The following CREBBP variants were observed in gnomAD, a reference collection of about 807,000 sequenced individuals.
The protein encoded by CREBBP is CREB binding lysine acetyltransferase.
A neutral mutation model predicts 265.0 loss-of-function variants in CREBBP; 19 were observed. The observed-to-expected ratio is 0.07, with a 90% CI of 0.05 to 0.11. The LOEUF (loss-of-function observed/expected upper bound fraction) is 0.11. Among genes scored for constraint, CREBBP ranks in the 10% least tolerant of loss-of-function variants. The pLI, the probability that CREBBP is intolerant of heterozygous loss-of-function variation, is 1.00. For missense variants in CREBBP, 2,525 were observed against 3,219.0 expected, an observed-to-expected ratio of 0.78 and a Z score of 5.22; for synonymous variants, 1,457 against 1,223.7, an observed-to-expected ratio of 1.19 and a Z score of -3.98.
In CREBBP at chr16:3,758,984, A is replaced by G; in HGVS notation, c.3251-12T>C. The G allele has an allele frequency of 6.3e-7, 1 of 1,585,956 alleles. No individual in the cohort carries two copies. The highest frequency in any genetic ancestry group is 1.3e-5 in the African/African-American group (1 of 74,416). ...CTCTGGTTTAAAGACTGCAGAGAAA[A>G]CATCAAGAAAAGACACTTTGTAAAA... On this transcript the variant is annotated splice_polypyrimidine_tract_variant and intron_variant, in intron 16 of 30. Transcript: ENST00000262367.
intron 20 of CREBBP, among the ~76,000 whole-genome samples, chr16:3,751,289 A>G (rs2052467241): frequency 6.6e-6 from 1 of 152,118 alleles, no homozygotes; most frequent in African/African-American, 2.4e-5. Flanking sequence ...ATTAAATGTG[A>G]TCATAGTTAA....
At chr16:3,810,990 A>G (rs1335031393) in intron 2 of CREBBP, among the ~76,000 whole-genome samples, 1 of 151,856 alleles carries the variant, frequency 6.6e-6, no homozygotes, top group African/African-American at 2.4e-5. Context: ...CCGCAAGTAG[A>G]CGAGCTGTTT....
At position 3,781,271 on chromosome 16, in the gene CREBBP, T is replaced by C. The variant is rs2141247938; in HGVS notation, c.1609A>G (p.Thr537Ala). 1 of 1,614,040 alleles carries C rather than the reference T, an allele frequency of 6.2e-7. No individual in the cohort carries two copies. The highest frequency in any genetic ancestry group is 8.5e-7 in the Non-Finnish European group (1 of 1,179,932). ...AAGTTTGGGGGCTGCTGATCTGTTG[T>C]TATTCCTCCTGCTGGAATGTTCATT... The part of the protein sequence containing the change: ...NPMNIPAGGI[T>A]TDQQPPNLIS... Residue 537 changes from threonine (T) to alanine (A), a missense_variant, in exon 7 of 31, where the codon ACA becomes GCA. Transcript: ENST00000262367.
chr16:3,772,182 G>T (rs1195441576), intron 13 of CREBBP, among the ~76,000 whole-genome samples: 1 of 142,022 alleles, frequency 7.0e-6, no homozygotes, highest in African/African-American at 3.0e-5. Flanking sequence ...TTAGAAAAAG[G>T]TATTTTTTTT....
intron 21 of CREBBP, among the ~76,000 whole-genome samples, chr16:3,745,819 A>C (rs2052329098): frequency 6.6e-6 from 1 of 152,262 alleles, no homozygotes; most frequent in Admixed American, 6.5e-5. Context: ...AAACACGGCC[A>C]GTTCAGAGCA....
chr16:3,820,367 C>G (rs2054118451), intron 2 of CREBBP, among the ~76,000 whole-genome samples: 1 of 152,156 alleles, frequency 6.6e-6, no homozygotes, highest in Non-Finnish European at 1.5e-5. Context: ...ACTTGGCTGT[C>G]CAGGGTGCAC....
chr16:3,726,368 C>T lies in CREBBP; in HGVS notation c.*1350G>A, dbSNP rs1042083799. On this transcript the variant is annotated 3_prime_UTR_variant, in exon 31 of 31. Transcript: ENST00000262367. ...CAACTGACGACCCTAACTGTGTGAG[C>T]GACAATCACCTGTGAGCCTCGAATG... The T allele has an allele frequency of 4.3e-6, 1 of 233,210 alleles. No homozygotes were observed. The highest frequency in any genetic ancestry group is 1.8e-4 in the South Asian group (1 of 5,524). The allele number at this position is 233,210 out of a possible 1,614,324, so 14.4% of individuals were successfully genotyped here. A position where few individuals can be genotyped will look rare whatever the true frequency, so the allele number is the denominator to read the frequency against.
chr16:3,835,009 T>C (rs1012422182), intron 2 of CREBBP, among the ~76,000 whole-genome samples: 4 of 151,762 alleles, frequency 2.6e-5, no homozygotes, highest in African/African-American at 7.3e-5. Flanking sequence ...ATACAAAAAA[T>C]TGGCCGGGCA....
At chr16:3,771,076 ATT>A in intron 13 of CREBBP, 90 bp from the exon 14 acceptor site, 1 of 1,285,920 alleles carries the variant, frequency 7.8e-7, no homozygotes, top group Non-Finnish European at 1.1e-6. Flanking sequence ...TGAAAAAAAA[ATT>A]TTTTTTTTTG....
rs1165797849 is a variant in CREBBP at position 3,810,726 on chromosome 16, T to C, written c.852A>G (p.Gly284=). ...CTCCAGTGGCTCCCATTGGCTGCCC[T>C]CCAGCTTGACTAAAGGGCTGTCCAA... is the stretch of plus-strand genomic sequence containing the variant. The part of the protein sequence containing the change: ...SPFGQPFSQA[G]GQPMGATGVN... The change falls in exon 3 of 31, where the codon GGA becomes GGG. Residue 284 remains glycine (G), a synonymous_variant. Coordinates refer to ENST00000262367, the MANE Select transcript of CREBBP (RefSeq NM_004380.3). 6.2e-7 allele frequency: 1 copy of C among 1,613,908 alleles called. No homozygotes were observed. Among genetic ancestry groups the C allele is most frequent in the East Asian group, 2.2e-5 (1 of 44,870 alleles).
chr16:3,835,342 C>T (rs1299793259), intron 2 of CREBBP, among the ~76,000 whole-genome samples: 2 of 151,666 alleles, frequency 1.3e-5, no homozygotes, highest in Admixed American at 6.6e-5. Flanking sequence ...AGATTGTTTT[C>T]TTTTTAAACA....
At chr16:3,866,242 A>G (rs970684513) in intron 1 of CREBBP, among the ~76,000 whole-genome samples, 11 of 152,244 alleles carry the variant, frequency 7.2e-5, no homozygotes, top group African/African-American at 2.7e-4. Flanking sequence ...CACACAGGGA[A>G]ATCTGACATT....
chr16:3,843,630 G>A (rs941838118), intron 2 of CREBBP, among the ~76,000 whole-genome samples: 2 of 151,330 alleles, frequency 1.3e-5, no homozygotes, highest in Non-Finnish European at 2.9e-5. Context: ...TATGTTCACA[G>A]GCTGGTCTTG....
intron 21 of CREBBP, among the ~76,000 whole-genome samples, chr16:3,747,905 T>G (rs1358781829): frequency 6.6e-6 from 1 of 151,706 alleles, no homozygotes; most frequent in African/African-American, 2.4e-5. Context: ...CTGGCTAACA[T>G]GGTGAAACCC....
intron 23 of CREBBP, among the ~76,000 whole-genome samples, chr16:3,743,894 T>A (rs1169581642): frequency 6.6e-6 from 1 of 151,966 alleles, no homozygotes; most frequent in African/African-American, 2.4e-5. Context: ...CTGGCCAACA[T>A]GGTGAAACCC....
At position 3,781,256 on chromosome 16, in the gene CREBBP, G is replaced by A. The variant is rs764530516; in HGVS notation, c.1624C>T (p.Pro542Ser). Residue 542 changes from proline to serine, a missense_variant, in exon 7 of 31, where the codon CCC becomes TCC. Pro to Ser is a moderately conservative substitution (Grantham distance 74). Coordinates refer to ENST00000262367, the MANE Select transcript of CREBBP (RefSeq NM_004380.3). ...GCTGATTCTGAAATCAAGTTTGGGG[G>A]CTGCTGATCTGTTGTTATTCCTCCT... ...PAGGITTDQQ[P>S]PNLISESALP... 2.0e-5 allele frequency: 33 copies of A among 1,614,056 alleles called. No homozygotes were observed. The highest frequency in any genetic ancestry group is 2.7e-5 in the Non-Finnish European group (32 of 1,179,946).
In CREBBP at chr16:3,731,695, C is replaced by T. The variant is rs917440449; in HGVS notation, c.4890+81G>A. The T allele has an allele frequency of 2.5e-6, 4 of 1,590,914 alleles. No homozygotes were observed. Among genetic ancestry groups the T allele is most frequent in the Non-Finnish European group, 3.4e-6 (4 of 1,160,908 alleles). On this transcript the variant is annotated intron_variant, in intron 29 of 30. Transcript: ENST00000262367. This position sits in a 1 kb window ranked among gnomAD's most constrained non-coding sequence, Gnocchi z 7.7. ...ACTTCCCTCCCACCACAGACCTGCA[C>T]ACGGGCCCACGCCCGCCAGCTGCGA...
chr16:3,780,614 G>C, intron 8 of CREBBP, 118 bp downstream of exon 8: 2 of 1,068,850 alleles, frequency 1.9e-6, no homozygotes, highest in South Asian at 2.8e-5. Flanking sequence ...AGCAGTGAGA[G>C]TGGCTCCCTA....
intron 3 of CREBBP, among the ~76,000 whole-genome samples, chr16:3,807,378 C>T (rs149641714): frequency 1.3e-5 from 2 of 152,254 alleles, no homozygotes; most frequent in Non-Finnish European, 2.9e-5. Flanking sequence ...GTTGGGTACC[C>T]CCTAAAGCAT....
Sources: allele counts gnomAD v4.1 joint callset (sites outside exome capture counted in the v4.1 genomes callset), GRCh38; gene constraint gnomAD v4.1.1; non-coding constraint Gnocchi (gnomAD v3.1); transcripts MANE v1.5; gene names NCBI Gene and HGNC (gene_info 2026-07-23, HGNC 2026-07-21).